Variants in A3GALT2 observed in about 807,000 individuals in gnomAD.
The protein encoded by A3GALT2 is alpha-1,3-galactosyltransferase 2.
A3GALT2 carries 14 observed loss-of-function variants against 16.6 expected under a neutral mutation model. The ratio of observed to expected loss-of-function variants is 0.84; its 90% CI spans 0.56 to 1.32. The LOEUF (loss-of-function observed/expected upper bound fraction) is 1.32. Ranked by LOEUF, A3GALT2 falls within the 40% of genes most tolerant of loss-of-function variation. The pLI is 0.00. For missense variants in A3GALT2, 600 were observed against 490.9 expected (o/e 1.22, Z -2.10); for synonymous variants, 253 against 218.0 (o/e 1.16, Z -1.42).
intron 1 of A3GALT2, among the ~76,000 whole-genome samples, chr1:33,315,107 G>C (rs1367568661): frequency 6.6e-6 from 1 of 152,146 alleles, no homozygotes; most frequent in Non-Finnish European, 1.5e-5. Flanking sequence ...AGCCGGGGCT[G>C]GGCGTGGTGG....
rs756304152 is a variant in A3GALT2, at chr1:33,312,614, G to A, written c.108-24C>T. On this transcript the variant is annotated intron_variant, in intron 2 of 4. Transcript: ENST00000442999. ...GCCTGTGGTGGGTTGAGGGGCGGGG[G>A]GCAGGCAGCCGTGAGAAGCATGTCA... 52 of 1,551,496 alleles carry A rather than the reference G, an allele frequency of 3.4e-5. No individual in the cohort carries two copies. The Admixed American group carries it at 9.1e-4, about 27-fold the overall frequency.
At position 33,312,563 on chromosome 1, in the gene A3GALT2, GC is replaced by G; in HGVS notation, c.134del (p.Gly45AlafsTer11). The stretch of plus-strand genomic sequence containing the variant: ...GGGACATTGTGGCCGAAGGGCAGAC[GC>G]CCATGGGGATGAGGGCTTCCAGATG... ...FRHLEALIPM[G>X]VCPSATMSQL... is the part of the protein sequence containing the mutation. On this transcript the variant is annotated frameshift_variant, in exon 3 of 5. Coordinates refer to ENST00000442999, the MANE Select transcript of A3GALT2 (RefSeq NM_001080438.1). LOFTEE classifies it high-confidence loss of function. The G allele has an allele frequency of 6.2e-7, 1 of 1,600,274 alleles. No homozygotes were observed. Among genetic ancestry groups the G allele is most frequent in the Non-Finnish European group, 8.5e-7 (1 of 1,172,708 alleles).
intron 1 of A3GALT2, among the ~76,000 whole-genome samples, chr1:33,316,812 G>A (rs954726629): frequency 3.9e-5 from 6 of 152,176 alleles, no homozygotes; most frequent in African/African-American, 1.4e-4. Flanking sequence ...GGAGGGCAGG[G>A]ATGTTATGGG....
intron 1 of A3GALT2, among the ~76,000 whole-genome samples, chr1:33,317,852 A>G (rs911740577): frequency 2.6e-5 from 4 of 152,234 alleles, no homozygotes; most frequent in East Asian, 3.8e-4. Context: ...CTGAAATTCA[A>G]AATGCTCCAG....
At chr1:33,312,396 G>A (rs893804683) in intron 3 of A3GALT2, 105 bp downstream of exon 3, 3 of 1,315,116 alleles carry the variant, frequency 2.3e-6, no homozygotes, top group African/African-American at 1.5e-5. Flanking sequence ...GTGGCAGAGT[G>A]CCTGGCTCTG....
At position 33,312,117 on chromosome 1, in the gene A3GALT2, A is replaced by C; in HGVS notation, c.270T>G (p.Asp90Glu). 1 of 1,613,650 alleles carries C rather than the reference A, an allele frequency of 6.2e-7. No homozygotes were observed. Among genetic ancestry groups the C allele is most frequent in the Middle Eastern group, 1.6e-4 (1 of 6,062 alleles). Residue 90 changes from aspartate to glutamate, a missense_variant, in exon 4 of 5, where the codon GAT becomes GAG. Coordinates refer to ENST00000442999, the MANE Select transcript of A3GALT2 (RefSeq NM_001080438.1). Reference protein sequence around the residue: ...PIIWDGSFDPDVAKQEARQQN... With the variant: ...PIIWDGSFDPEVAKQEARQQN... ...GCTGTCTAGCCTCTTGCTTGGCCAC[A>C]TCTGGGTCGAAAGAGCCATCCCAAA...
intron 1 of A3GALT2, among the ~76,000 whole-genome samples, chr1:33,316,448 A>G (rs1355691556): frequency 6.6e-6 from 1 of 152,134 alleles, no homozygotes; most frequent in African/African-American, 2.4e-5. Context: ...AACAAAACAA[A>G]AAACCCAAAA....
At chr1:33,308,705 C>T (rs1439806732) in intron 4 of A3GALT2, among the ~76,000 whole-genome samples, 5 of 148,204 alleles carry the variant, frequency 3.4e-5, no homozygotes, top group African/African-American at 1.3e-4. Context: ...CTACGCCTGG[C>T]CCTCCACAGA....
At chr1:33,318,428 G>A (rs560144851) in intron 1 of A3GALT2, among the ~76,000 whole-genome samples, 9 of 151,018 alleles carry the variant, frequency 6.0e-5, no homozygotes, top group Admixed American at 3.3e-4. Context: ...TGTTCTCAGC[G>A]ATTGATCCCA....
intron 1 of A3GALT2, chr1:33,314,056 C>CTTTTTTTTTTTT (rs11304832): frequency 1.2e-5 from 1 of 83,416 alleles, no homozygotes; most frequent in South Asian, 4.5e-4. Flanking sequence ...CTTCCTTCCT[C>CTTTTTTTTTTTT]TTTTTTTTTT....
At chr1:33,313,021 C>G in intron 1 of A3GALT2, 131 bp from the exon 2 acceptor site, 1 of 751,310 alleles carries the variant, frequency 1.3e-6, no homozygotes, top group Admixed American at 2.2e-5. Context: ...GCCAGTGTTA[C>G]CAGTTTCTTG....
intron 3 of A3GALT2, 124 bp from the exon 4 acceptor site, chr1:33,312,313 C>T (rs1646236846): frequency 1.4e-6 from 2 of 1,408,384 alleles, no homozygotes; most frequent in Admixed American, 2.3e-5. Flanking sequence ...CTAGTTGCTG[C>T]CCCTGGAAGC....
At chr1:33,309,079 T>C (rs1239488978) in intron 4 of A3GALT2, among the ~76,000 whole-genome samples, 2 of 151,420 alleles carry the variant, frequency 1.3e-5, no homozygotes, top group East Asian at 3.9e-4. Flanking sequence ...GAGCACGGGG[T>C]TGGGGGTAAG....
chr1:33,312,218 A>G (rs1646236379), intron 3 of A3GALT2, 29 bp from the exon 4 acceptor site: 2 of 1,611,290 alleles, frequency 1.2e-6, no homozygotes, highest in Non-Finnish European at 1.7e-6. Flanking sequence ...GGAAATGGAA[A>G]TAGCTCCATT....
intron 4 of A3GALT2, among the ~76,000 whole-genome samples, chr1:33,309,228 C>G (rs535629344): frequency 1.3e-5 from 2 of 152,374 alleles, no homozygotes; most frequent in East Asian, 3.9e-4. Flanking sequence ...TCCCCCTTTT[C>G]TATTCGACAA....
rs1458475498 is a variant in A3GALT2 at position 33,320,335 on chromosome 1, TCAC to T, written c.23+738_23+740del. 6.6e-6 allele frequency among the ~76,000 whole-genome samples: 1 copy of T among 152,006 alleles called. No individual in the cohort carries two copies. The highest frequency in any genetic ancestry group is 6.6e-5 in the Admixed American group (1 of 15,128). On this transcript the variant is annotated intron_variant, in intron 1 of 4. Transcript: ENST00000442999. This position sits in a 1 kb window ranked among gnomAD's most constrained non-coding sequence, Gnocchi z 4.3. ...CCCCTCTGTGGCTGTCCCACCCTCT[TCAC>T]CAGCCTCCTCCCAACCAGGGTAGGG... is the stretch of plus-strand genomic sequence containing the variant.
At position 33,313,024 on chromosome 1, in the gene A3GALT2, G is replaced by A. The variant is rs76399999; in HGVS notation, c.24-134C>T. On this transcript the variant is annotated intron_variant, in intron 1 of 4. Coordinates refer to ENST00000442999, the MANE Select transcript of A3GALT2 (RefSeq NM_001080438.1). ...TGCATGAAGGTAGCCAGTGTTACCA[G>A]TTTCTTGTGCAGGGGCATGACCTTG... 2.2e-3 allele frequency: 1,606 copies of A among 736,060 alleles called. 23 individuals are homozygous for A. The East Asian group carries it at 0.033, about 15-fold the overall frequency. 45.6% of individuals were successfully genotyped at this position (736,060 alleles called of 1,614,324 possible).
At chr1:33,309,452 G>A (rs936187681) in intron 4 of A3GALT2, among the ~76,000 whole-genome samples, 24 of 149,760 alleles carry the variant, frequency 1.6e-4, no homozygotes, top group Non-Finnish European at 2.5e-4. Context: ...TGTCCCCCAC[G>A]TCCCTCCCGG....
rs762310845 is a variant in A3GALT2, at chr1:33,306,918, C to G, written c.871G>C (p.Glu291Gln). ...ARGLEARWHDESHLNKFFWLH... is the reference protein window; with the variant it reads ...ARGLEARWHDQSHLNKFFWLH... ...CAGAAGAACTTGTTGAGGTGGCTCT[C>G]GTCGTGCCAGCGCGCCTCCAGGCCG... The change falls in exon 5 of 5, where the codon GAG becomes CAG. Residue 291 changes from glutamate (E) to glutamine (Q), a missense_variant. By Grantham distance (29) the Glu-to-Gln change is conservative. Transcript: ENST00000442999. 4 of 1,520,770 alleles carry G rather than the reference C, an allele frequency of 2.6e-6. No homozygotes were observed. The East Asian group carries it at 1.1e-4, about 41-fold the overall frequency. The allele number at this position is 1,520,770 out of a possible 1,614,324, so 94.2% of individuals were successfully genotyped here. A position where few individuals can be genotyped will look rare whatever the true frequency, so the allele number is the denominator to read the frequency against.
Sources: allele counts gnomAD v4.1 joint callset (sites outside exome capture counted in the v4.1 genomes callset), GRCh38; gene constraint gnomAD v4.1.1; non-coding constraint Gnocchi (gnomAD v3.1); transcripts MANE v1.5; gene names NCBI Gene and HGNC (gene_info 2026-07-23, HGNC 2026-07-21).